Variants in ANKH observed in about 807,000 individuals in gnomAD.
ANKH encodes ANKH inorganic pyrophosphate transport regulator.
In ANKH, 15 loss-of-function variants were observed where a neutral mutation model predicts 49.0. That is an observed-to-expected ratio of 0.31 (90% CI 0.20 to 0.47). ANKH has a LOEUF of 0.47. ANKH is among the 20% of genes least tolerant of loss of function. The pLI, the probability that ANKH is intolerant of heterozygous loss-of-function variation, is 1.00. For synonymous variants in ANKH, 273 were observed against 260.0 expected, an observed-to-expected ratio of 1.05 and a Z score of -0.48; for missense variants, 429 against 652.0, an observed-to-expected ratio of 0.66 and a Z score of 3.72.
chr5:14,807,430 T>G (rs997085560), intron 1 of ANKH, among the ~76,000 whole-genome samples: 9 of 152,180 alleles, frequency 5.9e-5, no homozygotes, highest in African/African-American at 2.2e-4. Flanking sequence ...TGATATTCCT[T>G]ACAGTGTTGT....
intron 2 of ANKH, among the ~76,000 whole-genome samples, chr5:14,762,982 G>C (rs913619035): frequency 6.6e-6 from 1 of 152,220 alleles, no homozygotes; most frequent in Non-Finnish European, 1.5e-5. Context: ...CCTGTTTACA[G>C]GTGGACAGCT....
At chr5:14,744,646 G>T (rs1738472067) in intron 7 of ANKH, among the ~76,000 whole-genome samples, 1 of 152,230 alleles carries the variant, frequency 6.6e-6, no homozygotes, top group African/African-American at 2.4e-5. Context: ...GGCAGATGTG[G>T]GTGATCACTC....
intron 8 of ANKH, among the ~76,000 whole-genome samples, chr5:14,729,603 T>A (rs1006461947): frequency 6.6e-6 from 1 of 152,122 alleles, no homozygotes; most frequent in African/African-American, 2.4e-5. Context: ...CCTCCGCCTC[T>A]ACCTGCCAGC....
intron 1 of ANKH, among the ~76,000 whole-genome samples, chr5:14,836,201 C>T (rs1445441525): frequency 6.6e-6 from 1 of 152,162 alleles, no homozygotes; most frequent in Non-Finnish European, 1.5e-5. Context: ...CCTTTGAAAA[C>T]TGGCACAAGA....
At chr5:14,847,022 A>AAG (rs57458503) in intron 1 of ANKH, among the ~76,000 whole-genome samples, 1 of 151,534 alleles carries the variant, frequency 6.6e-6, no homozygotes, top group Non-Finnish European at 1.5e-5. Context: ...AAAAAAAAAA[A>AAG]CAATGAAACT....
intron 1 of ANKH, among the ~76,000 whole-genome samples, chr5:14,854,268 G>A (rs924381413): frequency 2.0e-5 from 3 of 152,118 alleles, no homozygotes; most frequent in Non-Finnish European, 2.9e-5. Context: ...CGTTCCCACT[G>A]TTTATTCATA....
At chr5:14,719,992 A>G (rs1737610423) in intron 8 of ANKH, among the ~76,000 whole-genome samples, 2 of 152,238 alleles carry the variant, frequency 1.3e-5, no homozygotes, top group Admixed American at 6.5e-5. Flanking sequence ...AATACATTCT[A>G]AAATGAATTA....
At position 14,830,564 on chromosome 5, in the gene ANKH, C is replaced by T. The variant is rs556412412; in HGVS notation, c.96+40788G>A. ...CTGTGTGTGTGTGAGTGTGTGCAGA[C>T]TTAGGAATAAAAAACAACACTGCTA... On this transcript the variant is annotated intron_variant, in intron 1 of 11. Coordinates refer to ENST00000284268, the MANE Select transcript of ANKH (RefSeq NM_054027.6). Among the ~76,000 whole-genome samples, 102 of 151,072 alleles carry T rather than the reference C, an allele frequency of 6.8e-4. 1 individual carries two copies. The highest frequency in any genetic ancestry group is 6.8e-3 in the Middle Eastern group (2 of 294).
At chr5:14,720,181 G>A (rs564933613) in intron 8 of ANKH, among the ~76,000 whole-genome samples, 7 of 152,022 alleles carry the variant, frequency 4.6e-5, no homozygotes, top group African/African-American at 1.7e-4. Flanking sequence ...ATTCCCCTAC[G>A]TATTTTCTGC....
intron 1 of ANKH, among the ~76,000 whole-genome samples, chr5:14,825,091 T>TTAGAACAAATATTGAGGAA (rs1027990861): frequency 1.3e-5 from 2 of 152,174 alleles, no homozygotes; most frequent in African/African-American, 4.8e-5. Flanking sequence ...CTCATTTGGC[T>TTAGAACAAATATTGAGGAA]TAGAACAAAT....
intron 1 of ANKH, among the ~76,000 whole-genome samples, chr5:14,848,528 G>A (rs187802957): frequency 2.0e-5 from 3 of 152,108 alleles, no homozygotes; most frequent in African/African-American, 4.8e-5. Flanking sequence ...CTCGCCGTCC[G>A]GCACTGATCA....
intron 1 of ANKH, among the ~76,000 whole-genome samples, chr5:14,861,495 C>T (rs185741407): frequency 6.6e-6 from 1 of 152,166 alleles, no homozygotes; most frequent in Non-Finnish European, 1.5e-5. Context: ...TTGGATTTCT[C>T]CCCAGCCTGG....
chr5:14,744,490 A>G (rs962750679), intron 7 of ANKH, among the ~76,000 whole-genome samples: 3 of 152,204 alleles, frequency 2.0e-5, no homozygotes, highest in African/African-American at 7.2e-5. Flanking sequence ...AGAGACAGGG[A>G]AGAGTGGCCT....
intron 1 of ANKH, among the ~76,000 whole-genome samples, chr5:14,772,655 C>T (rs1739481194): frequency 1.3e-5 from 2 of 152,200 alleles, no homozygotes; most frequent in Non-Finnish European, 2.9e-5. Context: ...CATCTCTAGC[C>T]TAAGGCCTCC....
intron 1 of ANKH, among the ~76,000 whole-genome samples, chr5:14,843,903 A>T (rs1741886103): frequency 6.6e-6 from 1 of 152,236 alleles, no homozygotes; most frequent in African/African-American, 2.4e-5. Context: ...TAAGGTATGT[A>T]AATATAAGCA....
chr5:14,784,744 C>G (rs968901269), intron 1 of ANKH, among the ~76,000 whole-genome samples: 1 of 152,094 alleles, frequency 6.6e-6, no homozygotes, highest in Non-Finnish European at 1.5e-5. Context: ...GCAAGAACTG[C>G]CAGGACTGAA....
At chr5:14,808,083 A>T (rs1740759668) in intron 1 of ANKH, among the ~76,000 whole-genome samples, 1 of 152,188 alleles carries the variant, frequency 6.6e-6, no homozygotes, top group Non-Finnish European at 1.5e-5. Context: ...AAGTTTTATT[A>T]ATTTTTTTTG....
At chr5:14,820,175 A>C (rs1741159705) in intron 1 of ANKH, among the ~76,000 whole-genome samples, 1 of 152,178 alleles carries the variant, frequency 6.6e-6, no homozygotes, top group Non-Finnish European at 1.5e-5. Flanking sequence ...TAAACAATGA[A>C]TTTTCTAAGT....
intron 3 of ANKH, among the ~76,000 whole-genome samples, chr5:14,757,097 C>T (rs182338112): frequency 1.3e-4 from 19 of 150,718 alleles, no homozygotes; most frequent in Admixed American, 5.9e-4. Context: ...TGTAGATTCC[C>T]ACTTCAACAC....
Sources: gnomAD v4.1 joint callset for allele counts (sites outside exome capture counted in the v4.1 genomes callset) on GRCh38, gnomAD v4.1.1 for gene constraint, MANE v1.5 for transcripts, NCBI Gene and HGNC (gene_info 2026-07-23, HGNC 2026-07-21) for gene names.